CCAR1: variants seen among roughly 807,000 people sequenced by gnomAD.
CCAR1 encodes the protein cell division cycle and apoptosis regulator 1, also known as cell division cycle and apoptosis regulator protein 1.
Under a neutral mutation model 163.8 loss-of-function variants are expected in CCAR1, and 78 were observed. The ratio of observed to expected loss-of-function variants is 0.48; its 90% CI spans 0.40 to 0.57. The LOEUF is 0.57. Among genes scored for constraint, CCAR1 ranks in the 20% least tolerant of loss-of-function variants. CCAR1 has a pLI of 0.00. For missense variants in CCAR1, 1,019 were observed against 1,365.2 expected (o/e 0.75, Z 4.00); for synonymous variants, 443 against 460.7 (o/e 0.96, Z 0.49).
At chr10:68,784,386 T>A (rs1589193871) in intron 19 of CCAR1, among the ~76,000 whole-genome samples, 1 of 152,034 alleles carries the variant, frequency 6.6e-6, no homozygotes, top group African/African-American at 2.4e-5. Context: ...CCACTTATTT[T>A]TGTGTTTTTA....
At chr10:68,783,656 T>A (rs545731460) in intron 19 of CCAR1, among the ~76,000 whole-genome samples, 1 of 152,232 alleles carries the variant, frequency 6.6e-6, no homozygotes, top group South Asian at 2.1e-4. Flanking sequence ...GTAGAGGGAA[T>A]AACTGCAGGT....
At chr10:68,769,303 A>G (rs1221181583) in intron 17 of CCAR1, among the ~76,000 whole-genome samples, 1 of 152,126 alleles carries the variant, frequency 6.6e-6, no homozygotes, top group African/African-American at 2.4e-5. Context: ...AGTCTGTTGA[A>G]AGCAATGGAC....
chr10:68,722,349 C>T, intron 1 of CCAR1, 106 bp from the exon 2 acceptor site: 1 of 663,510 alleles, frequency 1.5e-6, no homozygotes, highest in Non-Finnish European at 2.7e-6. Flanking sequence ...CTGCTGAAAT[C>T]TGCGAAGACG....
At chr10:68,724,160 GAA>G (rs35445759) in intron 2 of CCAR1, among the ~76,000 whole-genome samples, 31 of 146,950 alleles carry the variant, frequency 2.1e-4, no homozygotes, top group African/African-American at 6.3e-4. Flanking sequence ...CTCTGTCTCA[GAA>G]AAAAAAAAAA....
chr10:68,724,154 G>C (rs1403533326), intron 2 of CCAR1, among the ~76,000 whole-genome samples: 1 of 59,088 alleles, frequency 1.7e-5, no homozygotes, highest in Non-Finnish European at 3.9e-5. Context: ...GCAAAACTCT[G>C]TCTCAGAAAA....
intron 3 of CCAR1, 59 bp from the exon 4 acceptor site, chr10:68,737,786 A>G: frequency 3.2e-6 from 3 of 948,246 alleles, no homozygotes; most frequent in Non-Finnish European, 4.9e-6. Context: ...TCACTTTTTG[A>G]GAATGAATAA....
chr10:68,765,334 C>G (rs577559090), intron 16 of CCAR1, among the ~76,000 whole-genome samples: 1 of 152,284 alleles, frequency 6.6e-6, no homozygotes, highest in South Asian at 2.1e-4. Context: ...GCTGCACTTT[C>G]CAGTAAATAC....
intron 12 of CCAR1, 100 bp from the exon 13 acceptor site, chr10:68,755,270 A>C (rs1430103310): frequency 4.7e-6 from 5 of 1,075,074 alleles, no homozygotes; most frequent in African/African-American, 1.6e-5. Context: ...GAGGTAGTAA[A>C]AATGATATTG....
At chr10:68,760,770 A>G (rs922403611) in intron 15 of CCAR1, 25 of 260,462 alleles carry the variant, frequency 9.6e-5, no homozygotes, top group Non-Finnish European at 1.7e-4. Flanking sequence ...GGGCTGAGAC[A>G]GGAGAATTGC....
chr10:68,753,204 A>G (rs2056356709), intron 10 of CCAR1, among the ~76,000 whole-genome samples: 1 of 152,196 alleles, frequency 6.6e-6, no homozygotes, highest in African/African-American at 2.4e-5. Flanking sequence ...AGGAAAAAGG[A>G]AATGATCCTT....
chr10:68,784,800 C>T (rs1029562240), intron 19 of CCAR1, among the ~76,000 whole-genome samples: 1 of 152,016 alleles, frequency 6.6e-6, no homozygotes, highest in African/African-American at 2.4e-5. Context: ...AGGATTACTG[C>T]TTGCCAAAGG....
chr10:68,725,206 G>T (rs1214207870), intron 2 of CCAR1, among the ~76,000 whole-genome samples: 3 of 151,772 alleles, frequency 2.0e-5, no homozygotes, highest in East Asian at 1.9e-4. Flanking sequence ...AGTCAACAAG[G>T]CCCGGTGCAG....
At chr10:68,755,128 G>A in intron 12 of CCAR1, 1 of 711,396 alleles carries the variant, frequency 1.4e-6, no homozygotes, top group South Asian at 1.5e-5. Flanking sequence ...ATTATAGCTT[G>A]TTTCTTTAAA....
At chr10:68,755,616 C>T in intron 13 of CCAR1, 80 bp downstream of exon 13, 1 of 1,271,654 alleles carries the variant, frequency 7.9e-7, no homozygotes, top group Non-Finnish European at 1.1e-6. Context: ...GCCTTTTCCC[C>T]CCGGCTTATT....
rs565518719 is a variant in CCAR1, at chr10:68,759,741, TC to T, written c.1921-1265del. Among the ~76,000 whole-genome samples, 309 of 151,098 alleles carry T rather than the reference TC, an allele frequency of 2.0e-3. 3 individuals are homozygous for T. The highest frequency in any genetic ancestry group is 0.017 in the Middle Eastern group (5 of 294). ...CTGGGTGACAGAGCAAGACCCTGCC[TC>T]AAAAAAAAAAGAAAAATGACTCATC... On this transcript the variant is annotated intron_variant, in intron 15 of 24. Coordinates refer to ENST00000265872, the MANE Select transcript of CCAR1 (RefSeq NM_018237.4).
At chr10:68,731,033 C>A (rs878883817) in intron 2 of CCAR1, among the ~76,000 whole-genome samples, 4 of 152,066 alleles carry the variant, frequency 2.6e-5, no homozygotes, top group Admixed American at 2.6e-4. Context: ...ATTTTGGTTT[C>A]ATTTCATTTA....
chr10:68,749,350 A>G, intron 9 of CCAR1, 85 bp downstream of exon 9: 1 of 1,377,106 alleles, frequency 7.3e-7, no homozygotes, highest in Non-Finnish European at 9.7e-7. Flanking sequence ...CTATGCTTAT[A>G]ATATAAAATT....
chr10:68,786,358 T>C, intron 20 of CCAR1, 140 bp downstream of exon 20: 2 of 756,190 alleles, frequency 2.6e-6, no homozygotes, highest in South Asian at 1.9e-5. Flanking sequence ...TTTGTGGCTA[T>C]GTCAGATAAC....
intron 15 of CCAR1, among the ~76,000 whole-genome samples, chr10:68,758,814 AG>A (rs2056433286): frequency 6.6e-6 from 1 of 151,658 alleles, no homozygotes. Context: ...CTGGGACTAC[AG>A]GCCTGTGCCA....
Sources: gnomAD v4.1 joint callset for allele counts (sites outside exome capture counted in the v4.1 genomes callset) on GRCh38, gnomAD v4.1.1 for gene constraint, MANE v1.5 for transcripts, NCBI Gene and HGNC (gene_info 2026-07-23, HGNC 2026-07-21) for gene names.